The following ADARB2 variants were observed in gnomAD, a reference collection of about 807,000 sequenced individuals.
ADARB2 encodes adenosine deaminase RNA specific B2 (inactive).
In ADARB2, 25 loss-of-function variants were observed where a neutral mutation model predicts 62.2. The ratio of observed to expected loss-of-function variants is 0.40; its 90% CI spans 0.29 to 0.56. The LOEUF is 0.56. ADARB2 is among the 20% of genes least tolerant of loss of function. The pLI is 0.43. For missense variants in ADARB2, 1,071 were observed against 1,077.4 expected, an observed-to-expected ratio of 0.99 and a Z score of 0.08; for synonymous variants, 572 against 500.8, an observed-to-expected ratio of 1.14 and a Z score of -1.90.
intron 6 of ADARB2, among the ~76,000 whole-genome samples, chr10:1,231,940 G>A (rs1830807747): frequency 6.6e-6 from 1 of 152,172 alleles, no homozygotes; most frequent in Non-Finnish European, 1.5e-5. Context: ...CTTTGGTGGA[G>A]GCTGCATGAC....
chr10:1,657,143 G>T (rs907521037), intron 1 of ADARB2, among the ~76,000 whole-genome samples: 4 of 152,036 alleles, frequency 2.6e-5, no homozygotes, highest in Non-Finnish European at 4.4e-5. Flanking sequence ...CTTGTGAAAA[G>T]TTCGAAAAGA....
rs1490519608 is a variant in ADARB2 at position 1,200,157 on chromosome 10, G to A, written c.1683-10C>T. On this transcript the variant is annotated splice_polypyrimidine_tract_variant and intron_variant, in intron 7 of 9. Coordinates refer to ENST00000381312, the MANE Select transcript of ADARB2 (RefSeq NM_018702.4). ...CCCCAGGACGTTCCACCTGTGGGGA[G>A]AGCCAGCAGTCAGCGGAGCCCCACC... 3 of 1,550,270 alleles carry A rather than the reference G, an allele frequency of 1.9e-6. No homozygotes were observed. Among genetic ancestry groups the A allele is most frequent in the Non-Finnish European group, 2.6e-6 (3 of 1,146,936 alleles).
rs188970196 is a variant in ADARB2, at chr10:1,290,585, C to A, written c.1078-19516G>T. ...GCTCCTGACCACAATGTTAGAGGTG[C>A]CTTCCAAGGGCTTTTCACTAATTGA... On this transcript the variant is annotated intron_variant, in intron 3 of 9. Coordinates refer to ENST00000381312, the MANE Select transcript of ADARB2 (RefSeq NM_018702.4). 7.9e-4 allele frequency: 120 copies of A among 152,322 alleles called. 1 individual carries two copies. The highest frequency in any genetic ancestry group is 2.8e-3 in the African/African-American group (116 of 41,572). The allele number at this position is 152,322 out of a possible 1,614,324, so 9.4% of individuals were successfully genotyped here. A position where few individuals can be genotyped will look rare whatever the true frequency, so the allele number is the denominator to read the frequency against.
At chr10:1,489,667 T>G (rs1831595280) in intron 1 of ADARB2, among the ~76,000 whole-genome samples, 1 of 152,218 alleles carries the variant, frequency 6.6e-6, no homozygotes, top group Admixed American at 6.5e-5. Flanking sequence ...ACACCACGGT[T>G]ATTTCAACCT....
chr10:1,256,500 G>A (rs183425183), intron 4 of ADARB2, among the ~76,000 whole-genome samples: 5 of 152,268 alleles, frequency 3.3e-5, no homozygotes, highest in African/African-American at 1.2e-4. Context: ...AAAAAGGTGC[G>A]TGTTTGCAAC....
intron 1 of ADARB2, chr10:1,675,856 G>C (rs1834460981): frequency 1.4e-6 from 1 of 735,996 alleles, no homozygotes; most frequent in African/African-American, 1.9e-5. Context: ...GATCCCTGCA[G>C]GAGGGCAGAG....
intron 4 of ADARB2, among the ~76,000 whole-genome samples, chr10:1,266,614 G>T (rs1368839054): frequency 6.6e-6 from 1 of 152,112 alleles, no homozygotes; most frequent in Non-Finnish European, 1.5e-5. Context: ...AGAAGGACCA[G>T]CCGGCCACCA....
intron 3 of ADARB2, among the ~76,000 whole-genome samples, chr10:1,327,305 GGCACAGCACCTCCTCACT>G (rs1564258271): frequency 2.2e-3 from 68 of 30,450 alleles, no homozygotes; most frequent in East Asian, 2.9e-3. Context: ...GCCTCCCCAC[GGCACAGCACCTCCTCACT>G]GCACAGCGCC....
chr10:1,298,553 C>G (rs1831544167), intron 3 of ADARB2, among the ~76,000 whole-genome samples: 1 of 152,098 alleles, frequency 6.6e-6, no homozygotes, highest in South Asian at 2.1e-4. Context: ...TTCATAGAGA[C>G]AGGCAGTAGC....
At chr10:1,195,303 TG>T (rs1836894656) in intron 8 of ADARB2, among the ~76,000 whole-genome samples, 1 of 151,796 alleles carries the variant, frequency 6.6e-6, no homozygotes, top group Non-Finnish European at 1.5e-5. Flanking sequence ...TCAGGGTTTG[TG>T]GTGCAGTCCC....
intron 8 of ADARB2, among the ~76,000 whole-genome samples, chr10:1,199,218 C>CCG (rs372284861): frequency 0.012 from 1,863 of 152,148 alleles, 24 homozygotes; most frequent in Middle Eastern, 0.031. Context: ...AAACCCACCC[C>CCG]CCCGCTTCCC....
intron 1 of ADARB2, among the ~76,000 whole-genome samples, chr10:1,689,984 GTTTTT>G (rs1834648468): frequency 1.3e-5 from 2 of 151,898 alleles, no homozygotes; most frequent in Admixed American, 1.3e-4. Context: ...GGGTTTTTTT[GTTTTT>G]GTTTTTTGTT....
intron 1 of ADARB2, among the ~76,000 whole-genome samples, chr10:1,722,795 G>A (rs777579458): frequency 1.3e-5 from 2 of 152,120 alleles, no homozygotes; most frequent in Non-Finnish European, 1.5e-5. Context: ...AAATGAAGAC[G>A]TTTGCCTATC....
intron 1 of ADARB2, among the ~76,000 whole-genome samples, chr10:1,478,098 G>T (rs1477711758): frequency 6.6e-6 from 1 of 152,226 alleles, no homozygotes. Context: ...CAAAGGAGAC[G>T]CCAGTGCTGC....
chr10:1,336,480 A>G (rs1451436160), intron 3 of ADARB2, among the ~76,000 whole-genome samples: 3 of 152,160 alleles, frequency 2.0e-5, no homozygotes, highest in Non-Finnish European at 4.4e-5. Flanking sequence ...CCTCATATTT[A>G]GGAAATGAAC....
intron 7 of ADARB2, among the ~76,000 whole-genome samples, chr10:1,211,089 C>T (rs1009161979): frequency 2.0e-5 from 3 of 151,176 alleles, no homozygotes; most frequent in Non-Finnish European, 2.9e-5. Context: ...CCCATCGCTC[C>T]CTCCCTCCCT....
chr10:1,706,144 G>A (rs1207467961), intron 1 of ADARB2, among the ~76,000 whole-genome samples: 2 of 152,210 alleles, frequency 1.3e-5, no homozygotes, highest in Non-Finnish European at 2.9e-5. Context: ...TACAGAATCA[G>A]CTGTGTGCTC....
rs1370712824 is a variant in ADARB2 at position 1,305,314 on chromosome 10, A to C, written c.1078-34245T>G. Reference sequence around the variant, plus strand: ...CTAGAAAATCTAGAAGAAATGGATAAATTCCTCGACACATACATCCTCCCA... The same window carrying C: ...CTAGAAAATCTAGAAGAAATGGATACATTCCTCGACACATACATCCTCCCA... On this transcript the variant is annotated intron_variant, in intron 3 of 9. Coordinates refer to ENST00000381312, the MANE Select transcript of ADARB2 (RefSeq NM_018702.4). 6.6e-5 allele frequency among the ~76,000 whole-genome samples: 10 copies of C among 151,858 alleles called. 1 individual carries two copies. In the East Asian group the frequency reaches 1.2e-3, roughly 18 times the overall value.
At chr10:1,544,112 G>A (rs1015509397) in intron 1 of ADARB2, among the ~76,000 whole-genome samples, 15 of 151,990 alleles carry the variant, frequency 9.9e-5, no homozygotes, top group African/African-American at 2.4e-4. Flanking sequence ...GAGTAGAGCC[G>A]TCCCAGGCAG....
Sources: gnomAD v4.1 joint callset for allele counts (sites outside exome capture counted in the v4.1 genomes callset) on GRCh38, gnomAD v4.1.1 for gene constraint, MANE v1.5 for transcripts, NCBI Gene and HGNC (gene_info 2026-07-23, HGNC 2026-07-21) for gene names.